Variants in FLRT1 observed in about 807,000 individuals in gnomAD.
The protein encoded by FLRT1 is fibronectin leucine rich transmembrane protein 1, also known as leucine-rich repeat transmembrane protein FLRT1.
A neutral mutation model predicts 30.9 loss-of-function variants in FLRT1; 14 were observed. The ratio of observed to expected loss-of-function variants is 0.45; its 90% CI spans 0.30 to 0.71. The LOEUF is 0.71. FLRT1 is among the 30% of genes least tolerant of loss of function. FLRT1 has a pLI of 0.08. For missense variants in FLRT1, 737 were observed against 949.2 expected (o/e 0.78, Z 2.94); for synonymous variants, 368 against 430.4 (o/e 0.85, Z 1.80).
intron 1 of FLRT1, among the ~76,000 whole-genome samples, chr11:64,065,703 C>T (rs1001478462): frequency 1.3e-5 from 2 of 148,148 alleles, no homozygotes; most frequent in Admixed American, 6.8e-5. Context: ...GGCAGGAGAA[C>T]GGTGTGAACC....
chr11:64,036,882 C>T lies in FLRT1; in HGVS notation c.-1038+723C>T, dbSNP rs1943392283. ...CGGCGCACGCCCCTCCTCGCGGGCACTGGAGACCCCGGGGAGGAAGGCTGG... is the reference window on the plus strand; with the variant it reads ...CGGCGCACGCCCCTCCTCGCGGGCATTGGAGACCCCGGGGAGGAAGGCTGG... On this transcript the variant is annotated intron_variant, in intron 1 of 2. Transcript: ENST00000682287. This position sits in a 1 kb window ranked among gnomAD's most constrained non-coding sequence, Gnocchi z 5.6. Among the ~76,000 whole-genome samples the T allele has an allele frequency of 2.0e-5, 3 of 152,190 alleles. No homozygotes were observed. The South Asian group carries it at 6.2e-4, about 31-fold the overall frequency.
intron 2 of FLRT1, among the ~76,000 whole-genome samples, chr11:64,115,403 G>A (rs1944959771): frequency 6.7e-6 from 1 of 149,824 alleles, no homozygotes; most frequent in Admixed American, 6.6e-5. Context: ...TTGAATAGCT[G>A]AAAGTTTATG....
intron 1 of FLRT1, among the ~76,000 whole-genome samples, chr11:64,100,414 T>G (rs1318971658): frequency 2.0e-5 from 3 of 152,172 alleles, no homozygotes; most frequent in Non-Finnish European, 4.4e-5. Flanking sequence ...TGATGTTGAC[T>G]CAAAAAATGG....
At chr11:64,068,810 T>A (rs1944053037) in intron 1 of FLRT1, among the ~76,000 whole-genome samples, 1 of 152,198 alleles carries the variant, frequency 6.6e-6, no homozygotes, top group Admixed American at 6.5e-5. Context: ...CCCCATCCTT[T>A]GTGGGCCTGT....
intron 1 of FLRT1, among the ~76,000 whole-genome samples, chr11:64,086,473 C>T (rs1274979203): frequency 3.3e-5 from 5 of 152,056 alleles, no homozygotes; most frequent in Non-Finnish European, 7.4e-5. Context: ...CCCATGCCCT[C>T]AGGAGGAAGT....
At chr11:64,109,080 C>T (rs1944814863) in intron 2 of FLRT1, among the ~76,000 whole-genome samples, 1 of 152,278 alleles carries the variant, frequency 6.6e-6, no homozygotes, top group Admixed American at 6.5e-5. Context: ...CCTGGCCCTG[C>T]CTGAGATGCC....
intron 1 of FLRT1, among the ~76,000 whole-genome samples, chr11:64,056,122 A>G (rs1049561933): frequency 6.6e-6 from 1 of 152,086 alleles, no homozygotes; most frequent in Non-Finnish European, 1.5e-5. Context: ...CCCCGGCAAT[A>G]AGCAGCCCCG....
intron 1 of FLRT1, among the ~76,000 whole-genome samples, chr11:64,050,366 C>T (rs1381433877): frequency 6.6e-6 from 1 of 152,182 alleles, no homozygotes; most frequent in Non-Finnish European, 1.5e-5. Context: ...TGCAGGCCAC[C>T]TAGGGGCAGC....
rs1367508782 is a variant in FLRT1 at position 64,103,521 on chromosome 11, T to C, written c.-710T>C. 2.0e-5 allele frequency: 3 copies of C among 150,308 alleles called. No homozygotes were observed. Among genetic ancestry groups the C allele is most frequent in the Non-Finnish European group, 4.4e-5 (3 of 67,816 alleles). 9.3% of individuals were successfully genotyped at this position (150,308 alleles called of 1,614,324 possible). A position where few individuals can be genotyped will look rare whatever the true frequency, so the allele number is the denominator to read the frequency against. On this transcript the variant is annotated 5_prime_UTR_variant, in exon 2 of 3. Coordinates refer to ENST00000682287, the MANE Select transcript of FLRT1 (RefSeq NM_013280.5). ...AGAGCCTTTGGAGAGTGGCTCCCTCTCAGCTCCGTCATGCAAGAACACTCT... is the reference window on the plus strand; with the variant it reads ...AGAGCCTTTGGAGAGTGGCTCCCTCCCAGCTCCGTCATGCAAGAACACTCT...
intron 2 of FLRT1, among the ~76,000 whole-genome samples, chr11:64,107,325 G>A (rs1048403789): frequency 6.6e-6 from 1 of 152,162 alleles, no homozygotes; most frequent in Non-Finnish European, 1.5e-5. Context: ...AAAATTACAC[G>A]TGTCTCCTTT....
chr11:64,053,121 A>G (rs891394025), intron 1 of FLRT1, among the ~76,000 whole-genome samples: 3 of 152,148 alleles, frequency 2.0e-5, no homozygotes, highest in African/African-American at 4.8e-5. Context: ...GCAGGGACCA[A>G]GAAGGTGCAG....
intron 2 of FLRT1, among the ~76,000 whole-genome samples, chr11:64,108,784 C>A (rs1001817692): frequency 3.3e-5 from 5 of 152,162 alleles, no homozygotes; most frequent in Non-Finnish European, 7.3e-5. Context: ...AAGGGAGGGA[C>A]TGGCAGGGGA....
intron 1 of FLRT1, among the ~76,000 whole-genome samples, chr11:64,055,793 A>G (rs1401886993): frequency 6.6e-6 from 1 of 152,006 alleles, no homozygotes; most frequent in Non-Finnish European, 1.5e-5. Context: ...CATACAGAGG[A>G]TGCTGGTTTG....
chr11:64,037,811 G>A (rs1030695425), intron 1 of FLRT1, among the ~76,000 whole-genome samples: 5 of 152,220 alleles, frequency 3.3e-5, no homozygotes, highest in South Asian at 4.1e-4. Context: ...CTGTGCATCC[G>A]CACTCTACCA....
chr11:64,098,290 C>G (rs1259091544), intron 1 of FLRT1, among the ~76,000 whole-genome samples: 1 of 152,216 alleles, frequency 6.6e-6, no homozygotes, highest in Non-Finnish European at 1.5e-5. Flanking sequence ...TGCTTCAGCT[C>G]GGATCACGGC....
chr11:64,105,800 G>A lies in FLRT1; in HGVS notation c.-50+1619G>A, dbSNP rs564269359. Among the ~76,000 whole-genome samples the A allele has an allele frequency of 3.3e-5, 5 of 152,302 alleles. No homozygotes were observed. In the East Asian group the frequency reaches 9.6e-4, roughly 29 times the overall value. The stretch of plus-strand genomic sequence containing the variant: ...GTTGGGCGCCAAGGCCCCAGGAGGT[G>A]GGCGGGGAGGCTGCCCACAGCTGCG... On this transcript the variant is annotated intron_variant, in intron 2 of 2. Coordinates refer to ENST00000682287, the MANE Select transcript of FLRT1 (RefSeq NM_013280.5).
intron 1 of FLRT1, among the ~76,000 whole-genome samples, chr11:64,071,751 G>C (rs1001832671): frequency 6.6e-6 from 1 of 152,206 alleles, no homozygotes; most frequent in Non-Finnish European, 1.5e-5. Context: ...ACAGATGGCA[G>C]GAGACTGGCC....
At chr11:64,084,497 T>G (rs1402611438) in intron 1 of FLRT1, among the ~76,000 whole-genome samples, 2 of 152,180 alleles carry the variant, frequency 1.3e-5, no homozygotes. Context: ...ACAGTGAGCC[T>G]TGGGGTCACG....
chr11:64,075,148 G>A (rs374683928), intron 1 of FLRT1, among the ~76,000 whole-genome samples: 4 of 152,208 alleles, frequency 2.6e-5, no homozygotes, highest in African/African-American at 9.6e-5. Context: ...AAAACGGTTG[G>A]TGAGGCTGAC....
Sources: gnomAD v4.1 joint callset for allele counts (sites outside exome capture counted in the v4.1 genomes callset) on GRCh38, gnomAD v4.1.1 for gene constraint, Gnocchi (gnomAD v3.1) non-coding constraint, MANE v1.5 for transcripts, NCBI Gene and HGNC (gene_info 2026-07-23, HGNC 2026-07-21) for gene names.